The following SPATA13 variants were observed in gnomAD, a reference collection of about 807,000 sequenced individuals.
The protein encoded by SPATA13 is spermatogenesis-associated protein 13.
A neutral mutation model predicts 104.0 loss-of-function variants in SPATA13; 50 were observed. The ratio of observed to expected loss-of-function variants is 0.48; its 90% confidence interval spans 0.38 to 0.61. SPATA13 has a LOEUF of 0.61. Ranked by LOEUF, SPATA13 falls within the 20% of genes least tolerant of loss-of-function variation. SPATA13 has a pLI of 0.00. For synonymous variants in SPATA13, 606 were observed against 667.5 expected (o/e 0.91, Z 1.42); for missense variants, 1,524 against 1,690.6 (o/e 0.90, Z 1.73).
At chr13:23,985,390 C>T (rs896358147) in intron 2 of SPATA13, among the ~76,000 whole-genome samples, 1 of 152,268 alleles carries the variant, frequency 6.6e-6, no homozygotes, top group Non-Finnish European at 1.5e-5. Context: ...GATGTGGGGG[C>T]TCAGTGGCCA....
At chr13:24,106,124 C>T (rs1880441149) in intron 3 of SPATA13, among the ~76,000 whole-genome samples, 1 of 152,156 alleles carries the variant, frequency 6.6e-6, no homozygotes, top group Non-Finnish European at 1.5e-5. Context: ...GCCTTGAGCT[C>T]CTGGACTCTT....
intron 3 of SPATA13, among the ~76,000 whole-genome samples, chr13:24,141,676 G>T (rs1881766117): frequency 6.6e-6 from 1 of 152,226 alleles, no homozygotes; most frequent in Admixed American, 6.5e-5. Flanking sequence ...CTGCCACGCA[G>T]GGGGTATGGA....
chr13:24,140,569 C>T (rs528603403), intron 3 of SPATA13, among the ~76,000 whole-genome samples: 36 of 152,320 alleles, frequency 2.4e-4, no homozygotes, highest in South Asian at 8.3e-4. Context: ...CAGAGTCAAA[C>T]GTTCCTCTTC....
At chr13:24,014,339 C>A (rs1168065214) in intron 2 of SPATA13, among the ~76,000 whole-genome samples, 3 of 152,202 alleles carry the variant, frequency 2.0e-5, no homozygotes, top group Middle Eastern at 6.8e-3. Flanking sequence ...ACCAACACAC[C>A]CCCCTTCCCC....
At chr13:24,185,517 T>C (rs190288605) in intron 1 of SPATA13, among the ~76,000 whole-genome samples, 13 of 152,338 alleles carry the variant, frequency 8.5e-5, no homozygotes, top group African/African-American at 3.1e-4. Context: ...AAATAACTAC[T>C]CGTTTAATTT....
chr13:24,163,370 G>C (rs9511096), intron 1 of SPATA13, among the ~76,000 whole-genome samples: 134,403 of 152,170 alleles, frequency 0.88, 60,637 homozygotes, highest in East Asian at 0.99. Context: ...CCACTACACT[G>C]CAGCCTGGGT....
intron 4 of SPATA13, among the ~76,000 whole-genome samples, chr13:24,254,916 T>C (rs1293059607): frequency 1.3e-5 from 2 of 152,098 alleles, no homozygotes; most frequent in Non-Finnish European, 2.9e-5. Context: ...CATGTCCACA[T>C]GATGATTGAT....
rs527425567 is a variant in SPATA13 at position 24,182,753 on chromosome 13, T to A, written c.-112+21821T>A. ...TTTGAAGACATTTCCTTTAATTTTT[T>A]AAAACTGTCATTTCTAGTAATTTTG... On this transcript the variant is annotated intron_variant, in intron 1 of 12. Coordinates refer to ENST00000382108, the MANE Select transcript of SPATA13 (RefSeq NM_001166271.3). 1.3e-4 allele frequency among the ~76,000 whole-genome samples: 20 copies of A among 152,302 alleles called. No individual in the cohort carries two copies. In the South Asian group the frequency reaches 3.7e-3, roughly 28 times the overall value.
chr13:24,289,022 G>A lies in SPATA13; in HGVS notation c.2691G>A (p.Lys897=), dbSNP rs188597102. Residue 897 remains lysine, a synonymous_variant, in exon 8 of 13, where the codon AAG becomes AAA. Coordinates refer to ENST00000382108, the MANE Select transcript of SPATA13 (RefSeq NM_001166271.3). ...AGGGCTATATCCGACAGTGCCGCAAGCACACAGGAATGTTCACCGTTGCGC... is the reference window on the plus strand; with the variant it reads ...AGGGCTATATCCGACAGTGCCGCAAACACACAGGAATGTTCACCGTTGCGC... ...ICEGYIRQCR[K]HTGMFTVAQL... is the part of the protein sequence containing the mutation. The A allele has an allele frequency of 1.1e-5, 17 of 1,610,336 alleles. No homozygotes were observed. The highest frequency in any genetic ancestry group is 1.7e-4 in the Middle Eastern group (1 of 6,050).
At chr13:24,239,283 T>A (rs1051842655) in intron 2 of SPATA13, among the ~76,000 whole-genome samples, 4 of 152,156 alleles carry the variant, frequency 2.6e-5, no homozygotes, top group Admixed American at 6.5e-5. Context: ...ATCTGAAACG[T>A]GGTCACTGAT....
At position 24,051,694 on chromosome 13, in the gene SPATA13, G is replaced by T. The variant is rs1878346347; in HGVS notation, c.-112+33993G>T. 1.3e-5 allele frequency among the ~76,000 whole-genome samples: 2 copies of T among 152,172 alleles called. No homozygotes were observed. The highest frequency in any genetic ancestry group is 2.9e-5 in the Non-Finnish European group (2 of 68,036). On this transcript the variant is annotated intron_variant, in intron 3 of 14. Coordinates refer to the SPATA13 transcript ENST00000424834. This position sits in a 1 kb window ranked among gnomAD's most constrained non-coding sequence, Gnocchi z 4.2. Reference sequence around the variant, plus strand: ...AGCTGAGAAGAGATTACACAGAGGAGATGATATGAGGCGAATCTTCAGAGG... The same window carrying T: ...AGCTGAGAAGAGATTACACAGAGGATATGATATGAGGCGAATCTTCAGAGG...
chr13:24,183,731 A>G (rs537649099), intron 1 of SPATA13, among the ~76,000 whole-genome samples: 8 of 151,872 alleles, frequency 5.3e-5, no homozygotes, highest in African/African-American at 1.9e-4. Flanking sequence ...CCTGCTTTAT[A>G]ATGTTCTCTA....
intron 1 of SPATA13, among the ~76,000 whole-genome samples, chr13:24,186,446 G>T (rs1187641211): frequency 6.6e-6 from 1 of 152,152 alleles, no homozygotes; most frequent in Non-Finnish European, 1.5e-5. Context: ...AACCAAGAGG[G>T]AACATCAGCC....
intron 4 of SPATA13, among the ~76,000 whole-genome samples, chr13:24,283,179 G>A (rs942662208): frequency 6.6e-6 from 1 of 152,184 alleles, no homozygotes; most frequent in Non-Finnish European, 1.5e-5. Flanking sequence ...TGACTGGGGA[G>A]GATCCCTTCC....
chr13:24,130,713 A>G (rs1341870029), intron 3 of SPATA13, among the ~76,000 whole-genome samples: 1 of 152,238 alleles, frequency 6.6e-6, no homozygotes, highest in East Asian at 1.9e-4. Context: ...AGCACAGACC[A>G]CATGTGAAGA....
intron 4 of SPATA13, among the ~76,000 whole-genome samples, chr13:24,274,538 C>T (rs1874839272): frequency 6.6e-6 from 1 of 152,228 alleles, no homozygotes; most frequent in African/African-American, 2.4e-5. Flanking sequence ...CAGCTCTTTC[C>T]CTCTGTGTGC....
At chr13:24,154,049 A>G (rs1882183095) in intron 3 of SPATA13, among the ~76,000 whole-genome samples, 1 of 152,214 alleles carries the variant, frequency 6.6e-6, no homozygotes, top group Admixed American at 6.5e-5. Context: ...AGACAATACC[A>G]AGTTTTAGTG....
chr13:24,286,877 T>C lies in SPATA13; in HGVS notation c.2594T>C (p.Met865Thr), dbSNP rs1255516315. The C allele has an allele frequency of 6.2e-7, 1 of 1,613,886 alleles. No homozygotes were observed. The highest frequency in any genetic ancestry group is 1.7e-5 in the Admixed American group (1 of 60,002). ...RHRHCENKQQ[M>T]RTNVIREIMD... Reference sequence around the variant, plus strand: ...AGACACTGTGAGAACAAGCAGCAGATGCGGACCAACGTCATCCGGGAGATC... The same window carrying C: ...AGACACTGTGAGAACAAGCAGCAGACGCGGACCAACGTCATCCGGGAGATC... The change falls in exon 7 of 13, where the codon ATG becomes ACG. Residue 865 changes from methionine (M) to threonine (T), a missense_variant. Coordinates refer to ENST00000382108, the MANE Select transcript of SPATA13 (RefSeq NM_001166271.3). This position sits in a 1 kb window ranked among gnomAD's most constrained non-coding sequence, Gnocchi z 4.9.
rs969420859 is a variant in SPATA13 at position 24,108,408 on chromosome 13, T to C, written c.-112+90707T>C. Among the ~76,000 whole-genome samples the C allele has an allele frequency of 1.2e-4, 18 of 152,204 alleles. 1 individual carries two copies. Among genetic ancestry groups the C allele is most frequent in the Admixed American group, 1.2e-3 (18 of 15,286 alleles). On this transcript the variant is annotated intron_variant, in intron 3 of 14. Transcript: ENST00000424834. ...CCCTAGTGGGACGTGTGCCTGTTTA[T>C]ATTTTACAATAAAGGCCTCTGTGAC... is the stretch of plus-strand genomic sequence containing the variant.
Sources: allele counts gnomAD v4.1 joint callset (sites outside exome capture counted in the v4.1 genomes callset), GRCh38; gene constraint gnomAD v4.1.1; non-coding constraint Gnocchi (gnomAD v3.1); transcripts MANE v1.5; gene names NCBI Gene and HGNC (gene_info 2026-07-23, HGNC 2026-07-21).